PACRG: variants seen among roughly 807,000 people sequenced by gnomAD.
PACRG encodes the protein parkin coregulated gene protein.
In PACRG, 29 loss-of-function variants were observed where a neutral mutation model predicts 29.7. The ratio of observed to expected loss-of-function variants is 0.98; its 90% CI spans 0.73 to 1.33. PACRG has a LOEUF of 1.33. Ranked by LOEUF, PACRG falls within the 40% of genes most tolerant of loss-of-function variation. The pLI is 0.00. For synonymous variants in PACRG, 116 were observed against 118.7 expected, an observed-to-expected ratio of 0.98 and a Z score of 0.15; for missense variants, 279 against 316.2, an observed-to-expected ratio of 0.88 and a Z score of 0.89.
chr6:162,858,974 C>T lies in PACRG; in HGVS notation c.291+44693C>T, dbSNP rs552626963. ...AGTCACAGAGACCCTCCTGCTTCTGCGGCGTTTTCCATTTTCTTGAGCTTA... is the reference window on the plus strand; with the variant it reads ...AGTCACAGAGACCCTCCTGCTTCTGTGGCGTTTTCCATTTTCTTGAGCTTA... On this transcript the variant is annotated intron_variant, in intron 2 of 4. Coordinates refer to ENST00000366888, the MANE Select transcript of PACRG (RefSeq NM_001080379.2). Among the ~76,000 whole-genome samples the T allele has an allele frequency of 7.2e-5, 11 of 152,256 alleles. 1 individual carries two copies. Among genetic ancestry groups the T allele is most frequent in the South Asian group, 6.2e-4 (3 of 4,824 alleles).
At chr6:162,755,678 C>T (rs1456801247) in intron 1 of PACRG, among the ~76,000 whole-genome samples, 2 of 152,144 alleles carry the variant, frequency 1.3e-5, no homozygotes, top group Non-Finnish European at 2.9e-5. Context: ...CTCAAATGGT[C>T]CACCCACCTT....
At chr6:163,254,704 G>A (rs1019334796) in intron 4 of PACRG, among the ~76,000 whole-genome samples, 3 of 152,134 alleles carry the variant, frequency 2.0e-5, no homozygotes, top group South Asian at 4.1e-4. Flanking sequence ...ACCCCTGCCC[G>A]TGCAGCAGGG....
chr6:162,867,318 A>G (rs954143379), intron 2 of PACRG, among the ~76,000 whole-genome samples: 1 of 151,972 alleles, frequency 6.6e-6, no homozygotes, highest in African/African-American at 2.4e-5. Context: ...TTTTATTCCA[A>G]ACTCTTGCTG....
chr6:163,225,784 CA>C (rs966448276), intron 4 of PACRG, among the ~76,000 whole-genome samples: 13 of 152,292 alleles, frequency 8.5e-5, no homozygotes, highest in Admixed American at 2.0e-4. Flanking sequence ...GCATTATTCA[CA>C]GTAGCCAAGA....
At chr6:163,311,524 C>T (rs923140082) in intron 4 of PACRG, among the ~76,000 whole-genome samples, 3 of 152,198 alleles carry the variant, frequency 2.0e-5, no homozygotes, top group African/African-American at 7.2e-5. Flanking sequence ...CCTCAAAAAA[C>T]TGTCAATGTA....
At chr6:163,119,532 T>G (rs555271963) in intron 4 of PACRG, among the ~76,000 whole-genome samples, 1 of 152,170 alleles carries the variant, frequency 6.6e-6, no homozygotes, top group African/African-American at 2.4e-5. Context: ...TCAGAACAGC[T>G]CAACGTCATG....
chr6:163,305,244 T>C (rs1239156463), intron 4 of PACRG, among the ~76,000 whole-genome samples: 1 of 152,256 alleles, frequency 6.6e-6, no homozygotes, highest in Non-Finnish European at 1.5e-5. Context: ...CTACTCTTCG[T>C]AGAGAATGGG....
At chr6:163,013,112 A>G (rs1805766407) in intron 2 of PACRG, among the ~76,000 whole-genome samples, 1 of 151,922 alleles carries the variant, frequency 6.6e-6, no homozygotes, top group African/African-American at 2.4e-5. Flanking sequence ...TATTATTAAT[A>G]TTATGTTTTC....
At chr6:162,747,500 A>G (rs1781173584) in intron 1 of PACRG, among the ~76,000 whole-genome samples, 1 of 132,062 alleles carries the variant, frequency 7.6e-6, no homozygotes, top group Non-Finnish European at 1.6e-5. Flanking sequence ...ATATTCCATT[A>G]GTTCTGTCCC....
chr6:162,940,799 GT>G (rs751588959), intron 2 of PACRG, among the ~76,000 whole-genome samples: 1 of 152,114 alleles, frequency 6.6e-6, no homozygotes, highest in East Asian at 1.9e-4. Flanking sequence ...GACAACAACA[GT>G]TTTTTGTCAT....
intron 2 of PACRG, among the ~76,000 whole-genome samples, chr6:162,955,882 C>T (rs911481939): frequency 2.7e-4 from 41 of 152,232 alleles, no homozygotes; most frequent in East Asian, 2.1e-3. Flanking sequence ...CTTCTTTCTC[C>T]GGGGCTGGCA....
intron 2 of PACRG, among the ~76,000 whole-genome samples, chr6:162,998,278 T>C (rs1031020515): frequency 6.6e-6 from 1 of 152,182 alleles, no homozygotes; most frequent in African/African-American, 2.4e-5. Context: ...AACTTCGTAC[T>C]TGATGTGGAT....
intron 4 of PACRG, among the ~76,000 whole-genome samples, chr6:163,227,311 C>T (rs1781845374): frequency 6.6e-6 from 1 of 152,104 alleles, no homozygotes. Flanking sequence ...TACTTAACAA[C>T]CAGACCTCAC....
At chr6:162,794,656 A>C (rs1785224175) in intron 1 of PACRG, among the ~76,000 whole-genome samples, 1 of 152,170 alleles carries the variant, frequency 6.6e-6, no homozygotes, top group Non-Finnish European at 1.5e-5. Context: ...TTTTTGCATG[A>C]ATATGCAGTT....
At chr6:163,016,713 G>A (rs1806145661) in intron 2 of PACRG, among the ~76,000 whole-genome samples, 1 of 151,912 alleles carries the variant, frequency 6.6e-6, no homozygotes, top group Non-Finnish European at 1.5e-5. Flanking sequence ...ATATTTGACA[G>A]GGAAACTAGA....
At chr6:163,149,257 C>T (rs1777968810) in intron 4 of PACRG, among the ~76,000 whole-genome samples, 1 of 152,098 alleles carries the variant, frequency 6.6e-6, no homozygotes, top group Non-Finnish European at 1.5e-5. Context: ...CTCCCGCGGG[C>T]GCTGGCCGCT....
At chr6:163,252,170 A>G (rs1782931130) in intron 4 of PACRG, among the ~76,000 whole-genome samples, 1 of 152,180 alleles carries the variant, frequency 6.6e-6, no homozygotes, top group African/African-American at 2.4e-5. Flanking sequence ...TGCATCTCAC[A>G]GAGGAGGAAG....
At chr6:162,817,833 C>T (rs1421162857) in intron 2 of PACRG, among the ~76,000 whole-genome samples, 1 of 152,006 alleles carries the variant, frequency 6.6e-6, no homozygotes, top group East Asian at 1.9e-4. Flanking sequence ...CGGGACTCAT[C>T]TGTGGATTTT....
rs148737758 is a variant in PACRG at position 162,805,447 on chromosome 6, C to T, written c.157-8700C>T. On this transcript the variant is annotated intron_variant, in intron 1 of 4. Coordinates refer to ENST00000366888, the MANE Select transcript of PACRG (RefSeq NM_001080379.2). The stretch of plus-strand genomic sequence containing the variant: ...GCTGGTGGAGGGTCTTGCTTTGAGG[C>T]TGATGGCTGCTGACTGATCAGTGTG... Among the ~76,000 whole-genome samples, 125 of 152,286 alleles carry T rather than the reference C, an allele frequency of 8.2e-4. 1 individual carries two copies. Among genetic ancestry groups the T allele is most frequent in the African/African-American group, 2.9e-3 (121 of 41,564 alleles).
Sources: gnomAD v4.1 joint callset for allele counts (sites outside exome capture counted in the v4.1 genomes callset) on GRCh38, gnomAD v4.1.1 for gene constraint, MANE v1.5 for transcripts, NCBI Gene and HGNC (gene_info 2026-07-23, HGNC 2026-07-21) for gene names.